The following TACC1 variants were observed in gnomAD, a reference collection of about 807,000 sequenced individuals.
The protein encoded by TACC1 is transforming acidic coiled-coil containing protein 1.
In TACC1, 48 loss-of-function variants were observed where a neutral mutation model predicts 84.4. That is an observed-to-expected ratio of 0.57 (90% confidence interval 0.45 to 0.72). TACC1 has a LOEUF of 0.72. TACC1 is among the 30% of genes least tolerant of loss of function. The probability of loss-of-function intolerance (pLI) is 0.00; values close to 1 mark genes in which losing one functional copy is unlikely to be tolerated. For synonymous variants in TACC1, 372 were observed against 376.3 expected (o/e 0.99, Z 0.13); for missense variants, 920 against 973.0 (o/e 0.95, Z 0.72).
At chr8:38,756,523 G>C (rs1022552731) in intron 3 of TACC1, among the ~76,000 whole-genome samples, 3 of 152,154 alleles carry the variant, frequency 2.0e-5, no homozygotes, top group Non-Finnish European at 4.4e-5. Flanking sequence ...GGTGTAGCTG[G>C]ATCGCAGATG....
chr8:38,806,047 G>C (rs1375842662), intron 2 of TACC1, among the ~76,000 whole-genome samples: 4 of 152,150 alleles, frequency 2.6e-5, no homozygotes, highest in Non-Finnish European at 4.4e-5. Context: ...ATTGCAACCT[G>C]GGCAGTTGTG....
At chr8:38,780,773 T>C (rs1478791986) in intron 3 of TACC1, among the ~76,000 whole-genome samples, 2 of 152,192 alleles carry the variant, frequency 1.3e-5, no homozygotes, top group African/African-American at 4.8e-5. Flanking sequence ...CTGGGTGGTA[T>C]TGCCATCTTA....
chr8:38,794,948 A>AT (rs1189328805), intron 2 of TACC1, among the ~76,000 whole-genome samples: 1 of 152,116 alleles, frequency 6.6e-6, no homozygotes. Context: ...CCACAGTTTG[A>AT]TTTTTTTGTA....
At chr8:38,755,159 CAAAAAA>C (rs35992046) in intron 3 of TACC1, among the ~76,000 whole-genome samples, 1 of 72,350 alleles carries the variant, frequency 1.4e-5, no homozygotes, top group Non-Finnish European at 2.7e-5. Context: ...GACTCCATCT[CAAAAAA>C]AAAAAAAAAA....
intron 2 of TACC1, among the ~76,000 whole-genome samples, chr8:38,806,331 A>G (rs950767540): frequency 2.6e-5 from 4 of 152,048 alleles, no homozygotes; most frequent in Admixed American, 6.5e-5. Context: ...TCCCTGGTTT[A>G]TGGTCCACTT....
At chr8:38,783,752 A>T (rs1816611779), upstream of TACC1, among the ~76,000 whole-genome samples, 1 of 151,666 alleles carries the variant, frequency 6.6e-6, no homozygotes. Context: ...ATACCCTGAC[A>T]CCTCTCTTTT....
At chr8:38,787,102 G>C (rs1385327091), upstream of TACC1, 1 of 979,558 alleles carries the variant, frequency 1.0e-6, no homozygotes, top group Non-Finnish European at 1.2e-6. Context: ...GATCCGGCGG[G>C]CGCGCGGCCG....
At chr8:38,828,905 G>A (rs1828688758) in intron 5 of TACC1, among the ~76,000 whole-genome samples, 1 of 152,138 alleles carries the variant, frequency 6.6e-6, no homozygotes, top group Non-Finnish European at 1.5e-5. Flanking sequence ...ATGATACTAG[G>A]CTACTGTAAA....
chr8:38,759,805 C>T (rs924662091), intron 3 of TACC1, among the ~76,000 whole-genome samples: 2 of 152,176 alleles, frequency 1.3e-5, no homozygotes, highest in African/African-American at 4.8e-5. Flanking sequence ...TGCAAGATTC[C>T]AAACTGTAAT....
rs945096825 is a variant in TACC1, at chr8:38,836,201, G to C, written c.1753G>C (p.Val585Leu). The C allele has an allele frequency of 3.7e-6, 6 of 1,613,272 alleles. No homozygotes were observed. Among genetic ancestry groups the C allele is most frequent in the African/African-American group, 1.3e-5 (1 of 74,930 alleles). Residue 585 changes from valine (V) to leucine (L), a missense_variant, in exon 7 of 13, where the codon GTG (valine) becomes CTG (leucine). Physicochemically the swap from Val to Leu is conservative, Grantham distance 32. Transcript: ENST00000317827. ...ESSAEKAPVS[V>L]SCGGESPLDG... ...CTCTGCAGAGAAGGCCCCTGTGTCG[G>C]TGTCCTGTGGAGGTGAGAGCCCCCT... is the stretch of plus-strand genomic sequence containing the variant.
intron 3 of TACC1, among the ~76,000 whole-genome samples, chr8:38,756,549 GTGTTTGTT>G (rs575044572): frequency 6.6e-6 from 1 of 152,078 alleles, no homozygotes; most frequent in African/African-American, 2.4e-5. Context: ...ATAGGGATAG[GTGTTTGTT>G]TGTTTGTTTG....
rs1832801228 is a variant in TACC1, at chr8:38,849,332, G to T, written c.*1309G>T. Reference sequence around the variant, plus strand: ...TCAAGCTCTTACTGGACTCAGTTCAGAGTGGTGGGCCATTAACCCCAACAT... The same window carrying T: ...TCAAGCTCTTACTGGACTCAGTTCATAGTGGTGGGCCATTAACCCCAACAT... On this transcript the variant is annotated 3_prime_UTR_variant, in exon 13 of 13. Transcript: ENST00000317827. The T allele has an allele frequency of 6.6e-6, 1 of 152,206 alleles. No homozygotes were observed. Among genetic ancestry groups the T allele is most frequent in the Non-Finnish European group, 1.5e-5 (1 of 68,026 alleles). 9.4% of individuals were successfully genotyped at this position (152,206 alleles called of 1,614,324 possible).
At chr8:38,752,546 G>T (rs114525830) in intron 3 of TACC1, among the ~76,000 whole-genome samples, 4,555 of 152,140 alleles carry the variant, frequency 0.03, 249 homozygotes, top group African/African-American at 0.1. Flanking sequence ...CTTCTTGACC[G>T]AATTGTTATG....
At chr8:38,794,195 G>T (rs116741636) in intron 2 of TACC1, among the ~76,000 whole-genome samples, 4,518 of 152,268 alleles carry the variant, frequency 0.03, 214 homozygotes, top group African/African-American at 0.1. Flanking sequence ...ATTTAAAAAG[G>T]AAATTAGGGA....
chr8:38,731,805 C>G (rs559881720), intron 1 of TACC1, among the ~76,000 whole-genome samples: 1 of 152,286 alleles, frequency 6.6e-6, no homozygotes, highest in African/African-American at 2.4e-5. Flanking sequence ...CAAATTACAT[C>G]CTTGCATTAA....
Position 38,788,656 on chromosome 8 carries a change from C to T in TACC1, c.162-48C>T, listed in dbSNP as rs538663893. On this transcript the variant is annotated intron_variant, in intron 1 of 12. Transcript: ENST00000317827. Reference sequence around the variant, plus strand: ...TGAATATGTAGATTTCAAAGGGTGTCGGAAATACCGTTGAAAGTGGTAATT... The same window carrying T: ...TGAATATGTAGATTTCAAAGGGTGTTGGAAATACCGTTGAAAGTGGTAATT... 1.4e-5 allele frequency: 20 copies of T among 1,403,706 alleles called. No homozygotes were observed. The South Asian group carries it at 2.2e-4, about 15-fold the overall frequency. 87.0% of individuals were successfully genotyped at this position (1,403,706 alleles called of 1,614,324 possible).
At chr8:38,729,259 G>T (rs1406680854) in intron 1 of TACC1, among the ~76,000 whole-genome samples, 1 of 152,230 alleles carries the variant, frequency 6.6e-6, no homozygotes, top group Non-Finnish European at 1.5e-5. Flanking sequence ...TTCTCCGGGT[G>T]CAGGGATGTG....
At position 38,819,787 on chromosome 8, in the gene TACC1, G is replaced by A; in HGVS notation, c.543G>A (p.Lys181=). The A allele has an allele frequency of 6.2e-7, 1 of 1,613,964 alleles. No individual in the cohort carries two copies. Among genetic ancestry groups the A allele is most frequent in the South Asian group, 1.1e-5 (1 of 91,090 alleles). The change falls in exon 3 of 13, where the codon AAG becomes AAA. Residue 181 remains lysine (K), a synonymous_variant. Coordinates refer to ENST00000317827, the MANE Select transcript of TACC1 (RefSeq NM_006283.3). Reference sequence around the variant, plus strand: ...GCTGTGTAACTGCAGTCTCAGGCAAGGCTCTGCCTTCCAGCCCGCCAGACG... The same window carrying A: ...GCTGTGTAACTGCAGTCTCAGGCAAAGCTCTGCCTTCCAGCCCGCCAGACG... The part of the protein sequence containing the change: ...AHGCVTAVSG[K]ALPSSPPDAL...
At chr8:38,771,004 C>T (rs1433598141) in intron 3 of TACC1, among the ~76,000 whole-genome samples, 1 of 152,152 alleles carries the variant, frequency 6.6e-6, no homozygotes, top group African/African-American at 2.4e-5. Context: ...GAGGCTTACA[C>T]AGCATCTTAA....
Sources: gnomAD v4.1 joint callset for allele counts (sites outside exome capture counted in the v4.1 genomes callset) on GRCh38, gnomAD v4.1.1 for gene constraint, MANE v1.5 for transcripts, NCBI Gene and HGNC (gene_info 2026-07-23, HGNC 2026-07-21) for gene names.